The following KCNH1 variants were observed in gnomAD, a reference collection of about 807,000 sequenced individuals.
KCNH1 encodes the protein potassium voltage-gated channel subfamily H member 1.
Under a neutral mutation model 69.2 loss-of-function variants are expected in KCNH1, and 27 were observed. The observed-to-expected ratio is 0.39, with a 90% CI of 0.29 to 0.54. KCNH1 has a LOEUF of 0.54. KCNH1 is among the 20% of genes least tolerant of loss of function. The probability of loss-of-function intolerance (pLI) is 0.68; values close to 1 mark genes in which losing one functional copy is unlikely to be tolerated. For missense variants in KCNH1, 798 were observed against 1,261.6 expected (o/e 0.63, Z 5.57); for synonymous variants, 456 against 487.7 (o/e 0.93, Z 0.86).
At chr1:210,862,943 G>A (rs371252969) in intron 7 of KCNH1, among the ~76,000 whole-genome samples, 1 of 152,264 alleles carries the variant, frequency 6.6e-6, no homozygotes, top group East Asian at 1.9e-4. Context: ...GGGCTGTCTG[G>A]CAGGAAAACC....
chr1:211,018,033 C>T (rs1334596940), intron 6 of KCNH1, among the ~76,000 whole-genome samples: 1 of 152,100 alleles, frequency 6.6e-6, no homozygotes, highest in Non-Finnish European at 1.5e-5. Context: ...AAAAGCCTGG[C>T]ACCTCCTCTT....
At chr1:210,838,671 A>G (rs1478000720) in intron 7 of KCNH1, among the ~76,000 whole-genome samples, 1 of 152,228 alleles carries the variant, frequency 6.6e-6, no homozygotes, top group African/African-American at 2.4e-5. Flanking sequence ...TATCCATCTG[A>G]CAAAGGTCTA....
At chr1:210,903,957 G>A (rs17017032) in intron 7 of KCNH1, among the ~76,000 whole-genome samples, 9,862 of 152,230 alleles carry the variant, frequency 0.065, 619 homozygotes, top group African/African-American at 0.15. Context: ...GAATAGCCAA[G>A]CCAAGGACAC....
intron 7 of KCNH1, among the ~76,000 whole-genome samples, chr1:210,914,182 A>C (rs1687291400): frequency 6.6e-6 from 1 of 152,154 alleles, no homozygotes; most frequent in Non-Finnish European, 1.5e-5. Flanking sequence ...AAGTGTGGCC[A>C]ATAGCACTGA....
intron 4 of KCNH1, among the ~76,000 whole-genome samples, chr1:211,083,340 T>C (rs908854186): frequency 9.2e-5 from 14 of 152,252 alleles, no homozygotes; most frequent in Non-Finnish European, 1.9e-4. Context: ...AAACAGTTGG[T>C]TCTGCATTTT....
At chr1:211,085,993 AC>A (rs1234785887) in intron 4 of KCNH1, among the ~76,000 whole-genome samples, 4 of 151,410 alleles carry the variant, frequency 2.6e-5, no homozygotes, top group Non-Finnish European at 4.4e-5. Context: ...CTTGTATTGA[AC>A]CCCCACTTGC....
At chr1:210,761,290 A>G (rs1174115267) in intron 10 of KCNH1, among the ~76,000 whole-genome samples, 1 of 149,242 alleles carries the variant, frequency 6.7e-6, no homozygotes, top group Non-Finnish European at 1.5e-5. Flanking sequence ...ATGTAAGCAC[A>G]TAGCCCATGG....
chr1:210,813,433 G>T (rs186123065), intron 7 of KCNH1, among the ~76,000 whole-genome samples: 2 of 152,312 alleles, frequency 1.3e-5, no homozygotes, highest in East Asian at 3.9e-4. Context: ...TGGATGAGGA[G>T]GGGCTGAAGA....
intron 5 of KCNH1, among the ~76,000 whole-genome samples, chr1:211,027,290 A>G (rs1456522786): frequency 2.0e-5 from 3 of 152,196 alleles, no homozygotes; most frequent in Admixed American, 1.3e-4. Flanking sequence ...CGAATATAAA[A>G]AAAATCCAAT....
chr1:210,870,843 C>T (rs889298539), intron 7 of KCNH1, among the ~76,000 whole-genome samples: 29 of 152,082 alleles, frequency 1.9e-4, no homozygotes, highest in African/African-American at 6.0e-4. Flanking sequence ...TGAGATCATT[C>T]GGCTTAAGGG....
chr1:210,891,209 C>T (rs1686741813), intron 7 of KCNH1, among the ~76,000 whole-genome samples: 2 of 152,046 alleles, frequency 1.3e-5, no homozygotes, highest in Admixed American at 1.3e-4. Context: ...ACTATGCAGC[C>T]ATAAAAAAGG....
chr1:210,876,845 T>C (rs979094632), intron 7 of KCNH1, among the ~76,000 whole-genome samples: 3 of 152,074 alleles, frequency 2.0e-5, no homozygotes, highest in Admixed American at 6.6e-5. Flanking sequence ...AGTGCCAATA[T>C]ACCCCTCTAA....
At chr1:210,933,491 T>C (rs1687718490) in intron 6 of KCNH1, among the ~76,000 whole-genome samples, 1 of 150,996 alleles carries the variant, frequency 6.6e-6, no homozygotes, top group Non-Finnish European at 1.5e-5. Context: ...TGTGAACATG[T>C]ACCCTAAAAC....
chr1:210,892,834 T>C (rs1159085185), intron 7 of KCNH1, among the ~76,000 whole-genome samples: 4 of 152,168 alleles, frequency 2.6e-5, no homozygotes, highest in African/African-American at 9.7e-5. Flanking sequence ...ATCCACTCAA[T>C]AAGCATTTGT....
chr1:210,750,124 A>G (rs1683251920), intron 10 of KCNH1, among the ~76,000 whole-genome samples: 1 of 152,158 alleles, frequency 6.6e-6, no homozygotes, highest in Non-Finnish European at 1.5e-5. Flanking sequence ...TGAGGATGTG[A>G]CTTCAAGCTC....
rs375516769 is a variant in KCNH1 at position 211,082,788 on chromosome 1, G to C, written c.550C>G (p.Leu184Val). The change falls in exon 5 of 11, where the codon CTG (leucine) becomes GTG (valine). Residue 184 changes from leucine to valine, a missense_variant. Around this residue, in one of 4 missense-constraint regions of KCNH1, gnomAD observed 266 missense variants for 457.2 expected, o/e 0.58. Transcript: ENST00000271751. ...KGENVHKHSR[L>V]AEVLQLGSDI... ...TAACCCTTTGCCCTTACCTCTGCCAGGCGGGAGTGCTTGTGGACATTCTCG... is the reference window on the plus strand; with the variant it reads ...TAACCCTTTGCCCTTACCTCTGCCACGCGGGAGTGCTTGTGGACATTCTCG... 3 of 1,613,510 alleles carry C rather than the reference G, an allele frequency of 1.9e-6. No individual in the cohort carries two copies. The highest frequency in any genetic ancestry group is 1.7e-4 in the Middle Eastern group (1 of 6,060).
At chr1:211,058,595 A>G (rs777516991) in intron 5 of KCNH1, among the ~76,000 whole-genome samples, 3 of 152,096 alleles carry the variant, frequency 2.0e-5, no homozygotes, top group Admixed American at 6.5e-5. Context: ...CAAAAAACAT[A>G]CAATACATCC....
chr1:210,999,556 T>C (rs996617003), intron 6 of KCNH1, among the ~76,000 whole-genome samples: 2 of 152,134 alleles, frequency 1.3e-5, no homozygotes, highest in African/African-American at 2.4e-5. Context: ...CAGGACCAGA[T>C]GGGTTCACAG....
intron 6 of KCNH1, among the ~76,000 whole-genome samples, chr1:210,994,609 T>C (rs1173980684): frequency 6.6e-6 from 1 of 152,200 alleles, no homozygotes; most frequent in Non-Finnish European, 1.5e-5. Flanking sequence ...AAGAACTTCA[T>C]AGTGTGAAGA....
Sources: gnomAD v4.1 joint callset for allele counts (sites outside exome capture counted in the v4.1 genomes callset) on GRCh38, gnomAD v4.1.1 for gene constraint, gnomAD v4.1.1 regional missense constraint, MANE v1.5 for transcripts, NCBI Gene and HGNC (gene_info 2026-07-23, HGNC 2026-07-21) for gene names.